ARB2A: variants seen among roughly 807,000 people sequenced by gnomAD.
The protein encoded by ARB2A is ARB2 cotranscriptional regulator A.
At chr5:93,670,823 G>T in the ARB2A span, among the ~76,000 whole-genome samples, 1 of 152,152 alleles carries the variant, frequency 6.6e-6, no homozygotes, top group Non-Finnish European at 1.5e-5. Flanking sequence ...GTATAAAAAT[G>T]CAATGGTGAT....
chr5:93,911,616 T>C, the ARB2A span, among the ~76,000 whole-genome samples: 1 of 146,226 alleles, frequency 6.8e-6, no homozygotes, highest in African/African-American at 2.5e-5. Flanking sequence ...ATGTTGTTTG[T>C]GGCATTAGTC....
chr5:94,066,399 T>A, the ARB2A span, among the ~76,000 whole-genome samples: 1 of 139,698 alleles, frequency 7.2e-6, no homozygotes, highest in African/African-American at 2.7e-5. Context: ...AAAGATAAAT[T>A]TCTAAACAGC....
At chr5:93,954,334 T>G in the ARB2A span, among the ~76,000 whole-genome samples, 1 of 151,864 alleles carries the variant, frequency 6.6e-6, no homozygotes, top group South Asian at 2.1e-4. Flanking sequence ...TTTAGTCAGG[T>G]GATGAATCCT....
chr5:94,016,177 TAA>T, the ARB2A span, among the ~76,000 whole-genome samples: 4 of 152,114 alleles, frequency 2.6e-5, no homozygotes, highest in African/African-American at 9.7e-5. Context: ...CAATGACTGT[TAA>T]AAGAGATAAA....
At chr5:93,986,317 G>A in the ARB2A span, among the ~76,000 whole-genome samples, 6 of 151,924 alleles carry the variant, frequency 3.9e-5, no homozygotes, top group Non-Finnish European at 8.8e-5. Context: ...CGCCCCATCT[G>A]GGAGGTGGGG....
At chr5:93,910,522 A>G in the ARB2A span, among the ~76,000 whole-genome samples, 1 of 151,426 alleles carries the variant, frequency 6.6e-6, no homozygotes, top group Non-Finnish European at 1.5e-5. Flanking sequence ...CATTGCTTAA[A>G]AAAGACAGCA....
chr5:93,620,702 C>A, the ARB2A span: 1 of 297,024 alleles, frequency 3.4e-6, no homozygotes, highest in Non-Finnish European at 6.1e-6. Context: ...ATTAGAGCTT[C>A]GCCGGCCGAG....
chr5:93,956,026 C>T, the ARB2A span, among the ~76,000 whole-genome samples: 9 of 152,222 alleles, frequency 5.9e-5, no homozygotes, highest in Admixed American at 4.6e-4. Context: ...CTACGTGAAA[C>T]AGTGTTTCTT....
At chr5:93,917,346 G>C in the ARB2A span, among the ~76,000 whole-genome samples, 1 of 152,146 alleles carries the variant, frequency 6.6e-6, no homozygotes, top group Admixed American at 6.6e-5. Flanking sequence ...GGAAGATCAA[G>C]TTATTTATCA....
chr5:93,704,210 T>C, the ARB2A span, among the ~76,000 whole-genome samples: 2 of 152,144 alleles, frequency 1.3e-5, no homozygotes, highest in South Asian at 2.1e-4. Flanking sequence ...CTGTTAAGTA[T>C]GAGATGATGG....
chr5:93,813,297 G>A, the ARB2A span, among the ~76,000 whole-genome samples: 1 of 152,166 alleles, frequency 6.6e-6, no homozygotes, highest in Non-Finnish European at 1.5e-5. Context: ...GTGTTCTAGT[G>A]TTTTCTAGAA....
chr5:94,081,266 T>C, the ARB2A span, among the ~76,000 whole-genome samples: 1 of 152,196 alleles, frequency 6.6e-6, no homozygotes, highest in Non-Finnish European at 1.5e-5. Flanking sequence ...GCAGCCACTT[T>C]AGAAAACAGT....
At chr5:93,668,901 A>G in the ARB2A span, among the ~76,000 whole-genome samples, 3 of 152,166 alleles carry the variant, frequency 2.0e-5, no homozygotes, top group Non-Finnish European at 4.4e-5. Context: ...TACTCAATCT[A>G]CCAGGTCTGT....
the ARB2A span, among the ~76,000 whole-genome samples, chr5:93,681,469 G>A: frequency 1.4e-4 from 22 of 151,806 alleles, no homozygotes; most frequent in Non-Finnish European, 1.6e-4. Context: ...GTTTACTGTC[G>A]TCTGCCTTAG....
chr5:94,013,471 C>T, the ARB2A span, among the ~76,000 whole-genome samples: 6 of 152,064 alleles, frequency 3.9e-5, no homozygotes, highest in Middle Eastern at 3.4e-3. Context: ...ACATCGTGCC[C>T]GGCCAGTAAG....
At chr5:93,991,221 G>A in the ARB2A span, among the ~76,000 whole-genome samples, 96 of 152,190 alleles carry the variant, frequency 6.3e-4, no homozygotes, top group African/African-American at 2.3e-3. Flanking sequence ...CTCATATTCA[G>A]TAGTGACCTG....
chr5:93,792,360 G>T, the ARB2A span, among the ~76,000 whole-genome samples: 1 of 152,076 alleles, frequency 6.6e-6, no homozygotes, highest in African/African-American at 2.4e-5. Context: ...AGAAGACATT[G>T]AAATGGTGAC....
the ARB2A span, among the ~76,000 whole-genome samples, chr5:94,064,750 A>G: frequency 6.6e-6 from 1 of 152,246 alleles, no homozygotes; most frequent in African/African-American, 2.4e-5. Flanking sequence ...GTTTTCCTTC[A>G]TAAGTGAAGA....
the ARB2A span, chr5:93,741,435 C>T: frequency 1.3e-4 from 208 of 1,613,360 alleles, 1 homozygote; most frequent in South Asian, 2.0e-3. Flanking sequence ...AGACCATCAC[C>T]CTGCCAGGGG....
Sources: allele counts gnomAD v4.1 joint callset (sites outside exome capture counted in the v4.1 genomes callset), GRCh38; gene constraint gnomAD v4.1.1; transcripts MANE v1.5; gene names NCBI Gene and HGNC (gene_info 2026-07-23, HGNC 2026-07-21).